Variants in RAB40A observed in about 807,000 individuals in gnomAD.
The protein encoded by RAB40A is RAB40A, member RAS oncogene family, also known as ras-related protein Rab-40A.
For synonymous variants in RAB40A, 65 were observed against 99.9 expected (o/e 0.65, Z 2.08); for missense variants, 145 against 230.2 (o/e 0.63, Z 2.40).
chrX:103,506,770 G>C (rs922745330), intron 2 of RAB40A, among the ~76,000 whole-genome samples: 1 of 111,368 alleles, frequency 9.0e-6, no homozygotes, highest in Non-Finnish European at 1.9e-5. Flanking sequence ...TGTAGGTGAG[G>C]TGCACATCAA....
chrX:103,510,042 G>C (rs191935018), intron 2 of RAB40A, among the ~76,000 whole-genome samples: 113 of 111,424 alleles, frequency 1.0e-3, no homozygotes, highest in Non-Finnish European at 2.6e-4. Context: ...CTGACCTCGT[G>C]ATCCACCCGC....
intron 2 of RAB40A, among the ~76,000 whole-genome samples, chrX:103,516,978 T>G (rs2073320133): frequency 9.0e-6 from 1 of 111,517 alleles, no homozygotes; most frequent in Non-Finnish European, 1.9e-5. Flanking sequence ...AACAATGCAT[T>G]TGAGTAGAAA....
At position 103,500,740 on chromosome X, in the gene RAB40A, C is replaced by T; in HGVS notation, c.17G>A (p.Ser6Asn). ...CAGGAAGTCATAGGCCTGGTCGGGG[C>T]TGCCCGGGGCGCTCATGGTGCTGGC... MSAPG[S>N]PDQAYDFLLK... is the part of the protein sequence containing the mutation. The change falls in exon 3 of 3, where the codon AGC becomes AAC. Residue 6 changes from serine to asparagine, a missense_variant. Physicochemically the swap from Ser to Asn is conservative, Grantham distance 46. Coordinates refer to ENST00000304236, the MANE Select transcript of RAB40A (RefSeq NM_080879.3). The T allele has an allele frequency of 8.3e-7, 1 of 1,209,899 alleles. No individual in the cohort carries two copies. The highest frequency in any genetic ancestry group is 3.0e-5 in the East Asian group (1 of 33,827).
intron 2 of RAB40A, among the ~76,000 whole-genome samples, chrX:103,509,810 C>CTT (rs201376749): frequency 3.6e-4 from 34 of 95,470 alleles, no homozygotes; most frequent in African/African-American, 1.3e-3. Context: ...TGAAATATTC[C>CTT]TTTTTTTTTT....
downstream of RAB40A, among the ~76,000 whole-genome samples, chrX:103,498,084 G>A (rs990121347): frequency 2.7e-5 from 3 of 111,599 alleles, no homozygotes; most frequent in Non-Finnish European, 5.6e-5. Flanking sequence ...GTGGGCATGC[G>A]GGGAAGCCTA....
chrX:103,500,916 T>G (rs1009045263), intron 2 of RAB40A, 90 bp from the exon 3 acceptor site: 139 of 980,928 alleles, frequency 1.4e-4, no homozygotes, highest in Admixed American at 9.0e-4. Context: ...GATGGATTTC[T>G]TTTACAAACC....
At position 103,516,619 on chromosome X, in the gene RAB40A, T is replaced by C. The variant is rs150908396; in HGVS notation, c.-71+755A>G. 5.0e-3 allele frequency among the ~76,000 whole-genome samples: 562 copies of C among 111,611 alleles called. 9 individuals are homozygous for C. The highest frequency in any genetic ancestry group is 0.018 in the African/African-American group (539 of 30,697). ...GGTATGGAGTATGTACAATCCATACTCTCACCTTAGCAAATGTTTAATATT... is the reference window on the plus strand; with the variant it reads ...GGTATGGAGTATGTACAATCCATACCCTCACCTTAGCAAATGTTTAATATT... On this transcript the variant is annotated intron_variant, in intron 2 of 2. Coordinates refer to ENST00000304236, the MANE Select transcript of RAB40A (RefSeq NM_080879.3).
chrX:103,508,856 T>C (rs968025643), intron 2 of RAB40A, among the ~76,000 whole-genome samples: 10 of 111,912 alleles, frequency 8.9e-5, no homozygotes, highest in African/African-American at 3.3e-4. Context: ...GCTCCAGCAC[T>C]GTTTAGTGTG....
At position 103,511,984 on chromosome X, in the gene RAB40A, T is replaced by A. The variant is rs2073293018; in HGVS notation, c.-71+5390A>T. On this transcript the variant is annotated intron_variant, in intron 2 of 2. Transcript: ENST00000304236. Reference sequence around the variant, plus strand: ...GACACACAGGGAGAGCAATATGTGGTGACAGAGGAAGAGACTGGAGTGATG... The same window carrying A: ...GACACACAGGGAGAGCAATATGTGGAGACAGAGGAAGAGACTGGAGTGATG... Among the ~76,000 whole-genome samples the A allele has an allele frequency of 2.7e-5, 3 of 110,751 alleles. No individual in the cohort carries two copies. The South Asian group carries it at 1.2e-3, about 44-fold the overall frequency.
intron 1 of RAB40A, among the ~76,000 whole-genome samples, chrX:103,518,842 G>A (rs1415666122): frequency 9.0e-6 from 1 of 111,474 alleles, no homozygotes; most frequent in Non-Finnish European, 1.9e-5. Flanking sequence ...TAACCTAATG[G>A]TTTATGAAAG....
rs779519458 is a variant in RAB40A, at chrX:103,499,873, C to T, written c.*50G>A. The T allele has an allele frequency of 1.7e-6, 2 of 1,189,746 alleles. No homozygotes were observed. Among genetic ancestry groups the T allele is most frequent in the East Asian group, 3.0e-5 (1 of 33,737 alleles). ...TGCGACTTCCATCTTCCAGGTGTAA[C>T]CAGAGTTTTTCCTGGAGCGATTCCA... On this transcript the variant is annotated 3_prime_UTR_variant, in exon 3 of 3. Transcript: ENST00000304236.
chrX:103,504,501 C>T (rs1316239654), intron 2 of RAB40A, among the ~76,000 whole-genome samples: 1 of 110,934 alleles, frequency 9.0e-6, no homozygotes, highest in Non-Finnish European at 1.9e-5. Flanking sequence ...AGAAAGGCAT[C>T]AGAATATATA....
In RAB40A at chrX:103,502,723, T is replaced by C. The variant is rs2073235199; in HGVS notation, c.-70-1897A>G. On this transcript the variant is annotated intron_variant, in intron 2 of 2. Coordinates refer to ENST00000304236, the MANE Select transcript of RAB40A (RefSeq NM_080879.3). The stretch of plus-strand genomic sequence containing the variant: ...GGTGCTCAGGGTCCTTTAGGGAGGG[T>C]GAGGGATGAAACCTCATTCCAATCC... The C allele has an allele frequency of 1.0e-5, 8 of 763,028 alleles. 1 individual carries two copies. In the South Asian group the frequency reaches 3.4e-4, roughly 33 times the overall value. 62.9% of individuals were successfully genotyped at this position (763,028 alleles called of 1,213,427 possible). A position where few individuals can be genotyped will look rare whatever the true frequency, so the allele number is the denominator to read the frequency against.
chrX:103,512,191 A>G (rs750908654), intron 2 of RAB40A, among the ~76,000 whole-genome samples: 19 of 112,380 alleles, frequency 1.7e-4, no homozygotes, highest in African/African-American at 5.5e-4. Flanking sequence ...TGGGTGTTTC[A>G]AAAGTGTTGC....
chrX:103,505,588 G>A (rs1283481927), intron 2 of RAB40A, among the ~76,000 whole-genome samples: 1 of 110,935 alleles, frequency 9.0e-6, no homozygotes, highest in Non-Finnish European at 1.9e-5. Flanking sequence ...CTTTTTATAC[G>A]TGCAGCTGTC....
intron 2 of RAB40A, chrX:103,503,423 G>A (rs1046831222): frequency 2.1e-5 from 16 of 751,136 alleles, no homozygotes; most frequent in African/African-American, 4.7e-5. Flanking sequence ...CAGCATGCAC[G>A]GGACAACGTA....
At chrX:103,513,605 C>A (rs1175382432) in intron 2 of RAB40A, among the ~76,000 whole-genome samples, 1 of 111,572 alleles carries the variant, frequency 9.0e-6, no homozygotes, top group African/African-American at 3.3e-5. Flanking sequence ...TAAAAACCAA[C>A]TCCTGGCAAT....
At position 103,517,485 on chromosome X, in the gene RAB40A, TCCTC is replaced by T. The variant is rs1181675538; in HGVS notation, c.-186_-183del. On this transcript the variant is annotated 5_prime_UTR_variant, in exon 2 of 3. It introduces an in-frame stop codon into an upstream open reading frame of the 5' UTR. Transcript: ENST00000304236. ...TTCTTTGCTCTTCTGTACTATTTCT[TCCTC>T]CCATGGCTCAATAAGAACTCCTTCA... is the stretch of plus-strand genomic sequence containing the variant. 9.0e-6 allele frequency: 1 copy of T among 110,989 alleles called. No homozygotes were observed. Among genetic ancestry groups the T allele is most frequent in the Admixed American group, 9.6e-5 (1 of 10,365 alleles). The allele number at this position is 110,989 out of a possible 1,213,427, so 9.1% of individuals were successfully genotyped here.
downstream of RAB40A, chrX:103,497,618 G>C (rs913296334): frequency 1.8e-5 from 2 of 111,987 alleles, no homozygotes; most frequent in Admixed American, 9.5e-5. Context: ...GAGCAGGTGA[G>C]GTCACAGAAA....
Sources: allele counts gnomAD v4.1 joint callset (sites outside exome capture counted in the v4.1 genomes callset), GRCh38; gene constraint gnomAD v4.1.1; transcripts MANE v1.5; gene names NCBI Gene and HGNC (gene_info 2026-07-23, HGNC 2026-07-21).